The following DSCAM variants were observed in gnomAD, a reference collection of about 807,000 sequenced individuals.
The protein encoded by DSCAM is DS cell adhesion molecule.
A neutral mutation model predicts 217.7 loss-of-function variants in DSCAM; 47 were observed. The observed-to-expected ratio is 0.22, with a 90% confidence interval of 0.17 to 0.28. The LOEUF is 0.28. Ranked by LOEUF, DSCAM falls within the 10% of genes least tolerant of loss-of-function variation. DSCAM has a pLI of 1.00. For missense variants in DSCAM, 2,080 were observed against 2,618.3 expected (o/e 0.79, Z 4.49); for synonymous variants, 1,056 against 1,015.3 (o/e 1.04, Z -0.76).
intron 3 of DSCAM, among the ~76,000 whole-genome samples, chr21:40,613,997 C>T (rs2146283439): frequency 6.6e-6 from 1 of 152,324 alleles, no homozygotes; most frequent in Middle Eastern, 3.4e-3. Context: ...TCCTCCTAAT[C>T]CATCCTATCA....
At chr21:40,478,071 T>C (rs1009342466) in intron 3 of DSCAM, among the ~76,000 whole-genome samples, 1 of 152,254 alleles carries the variant, frequency 6.6e-6, no homozygotes, top group Non-Finnish European at 1.5e-5. Context: ...TCGTTTTGCC[T>C]GTTTTGGAAG....
intron 9 of DSCAM, among the ~76,000 whole-genome samples, chr21:40,302,092 T>A (rs1217793189): frequency 6.6e-6 from 1 of 152,240 alleles, no homozygotes. Flanking sequence ...TTTTTAAAGA[T>A]GATATTTAGA....
chr21:40,202,802 C>A (rs540294729), intron 11 of DSCAM, among the ~76,000 whole-genome samples: 16 of 152,196 alleles, frequency 1.1e-4, no homozygotes, highest in Non-Finnish European at 1.8e-4. Flanking sequence ...TTCATTCAAG[C>A]ATTAGTGGCA....
chr21:40,457,426 T>C (rs1424589074), intron 3 of DSCAM, among the ~76,000 whole-genome samples: 2 of 152,034 alleles, frequency 1.3e-5, no homozygotes, highest in Non-Finnish European at 2.9e-5. Flanking sequence ...GCGGGAGGAT[T>C]GCTTGAGCCC....
intron 1 of DSCAM, among the ~76,000 whole-genome samples, chr21:40,760,011 A>ATT (rs1224654898): frequency 1.6e-5 from 2 of 126,504 alleles, no homozygotes; most frequent in Non-Finnish European, 3.4e-5. Flanking sequence ...TTATTTATTT[A>ATT]TGAGACAGAG....
chr21:40,032,789 T>C (rs2088552448), intron 32 of DSCAM, among the ~76,000 whole-genome samples: 1 of 152,186 alleles, frequency 6.6e-6, no homozygotes, highest in South Asian at 2.1e-4. Context: ...TGCTTCTTAC[T>C]TTTGCATCAA....
intron 1 of DSCAM, among the ~76,000 whole-genome samples, chr21:40,797,293 A>G (rs1386485897): frequency 1.3e-5 from 2 of 152,172 alleles, no homozygotes; most frequent in East Asian, 3.8e-4. Context: ...TTAAGGGAGG[A>G]ATATAACACT....
At chr21:40,602,332 A>G (rs1163470176) in intron 3 of DSCAM, among the ~76,000 whole-genome samples, 2 of 152,186 alleles carry the variant, frequency 1.3e-5, no homozygotes, top group Admixed American at 1.3e-4. Context: ...AAGTGCTGAG[A>G]TCATAGTCAT....
chr21:40,542,910 A>T (rs1005683530), intron 3 of DSCAM, among the ~76,000 whole-genome samples: 4 of 152,048 alleles, frequency 2.6e-5, no homozygotes, highest in Admixed American at 6.6e-5. Flanking sequence ...CCCAGGAAAG[A>T]GCTCCAGGTA....
intron 3 of DSCAM, among the ~76,000 whole-genome samples, chr21:40,417,731 G>A (rs187225092): frequency 8.5e-5 from 13 of 152,144 alleles, no homozygotes; most frequent in African/African-American, 3.1e-4. Context: ...TAATCGTTGT[G>A]CTTAGTTAAT....
chr21:40,202,517 G>C (rs188046425), intron 11 of DSCAM, among the ~76,000 whole-genome samples: 1 of 152,084 alleles, frequency 6.6e-6, no homozygotes, highest in Admixed American at 6.5e-5. Context: ...CAAGTCCTTC[G>C]GCCTCTCTGT....
chr21:40,276,698 T>G (rs2073692128), intron 10 of DSCAM, among the ~76,000 whole-genome samples: 1 of 152,202 alleles, frequency 6.6e-6, no homozygotes, highest in Non-Finnish European at 1.5e-5. Flanking sequence ...TTTGAAGTCT[T>G]TGCTCACTGC....
rs192637270 is a variant in DSCAM, at chr21:40,787,277, A to C, written c.43+59342T>G. Among the ~76,000 whole-genome samples, 455 of 152,310 alleles carry C rather than the reference A, an allele frequency of 3.0e-3. 1 individual carries two copies. The highest frequency in any genetic ancestry group is 4.6e-3 in the Non-Finnish European group (314 of 68,036). On this transcript the variant is annotated intron_variant, in intron 1 of 32. Transcript: ENST00000400454. ...TTTAAGGTTTTTTCCCAGACCTGAG[A>C]TATCAATTACATCTTGCCGAATGAT... is the stretch of plus-strand genomic sequence containing the variant.
chr21:40,576,836 A>G (rs563530940), intron 3 of DSCAM, among the ~76,000 whole-genome samples: 70 of 152,170 alleles, frequency 4.6e-4, no homozygotes, highest in Middle Eastern at 6.9e-3. Context: ...ATAATCATAA[A>G]AAGGGCTAAG....
intron 12 of DSCAM, among the ~76,000 whole-genome samples, chr21:40,188,702 T>C (rs1490493331): frequency 6.6e-6 from 1 of 152,230 alleles, no homozygotes; most frequent in Non-Finnish European, 1.5e-5. Flanking sequence ...CTCATTTTTC[T>C]TTTTGCAGGA....
chr21:40,354,443 C>A (rs906666920), intron 4 of DSCAM, among the ~76,000 whole-genome samples: 2 of 152,244 alleles, frequency 1.3e-5, no homozygotes, highest in South Asian at 4.1e-4. Context: ...TGATTGCTCA[C>A]CACAGTCTCA....
chr21:40,696,082 CA>C (rs10718357), intron 2 of DSCAM, among the ~76,000 whole-genome samples: 17,768 of 143,022 alleles, frequency 0.12, 1,699 homozygotes, highest in African/African-American at 0.28. Context: ...GAGATGCAGG[CA>C]AAAAAAAAAA....
intron 8 of DSCAM, among the ~76,000 whole-genome samples, chr21:40,330,242 T>C (rs1310009717): frequency 6.7e-6 from 1 of 148,394 alleles, no homozygotes; most frequent in Non-Finnish European, 1.5e-5. Context: ...ATACATAACA[T>C]ATATTTATGC....
chr21:40,082,797 G>A (rs2089481837), intron 24 of DSCAM, among the ~76,000 whole-genome samples: 1 of 152,054 alleles, frequency 6.6e-6, no homozygotes, highest in Non-Finnish European at 1.5e-5. Context: ...CTGATTTGTA[G>A]CATTTCTGAT....
Sources: allele counts gnomAD v4.1 joint callset (sites outside exome capture counted in the v4.1 genomes callset), GRCh38; gene constraint gnomAD v4.1.1; transcripts MANE v1.5; gene names NCBI Gene and HGNC (gene_info 2026-07-23, HGNC 2026-07-21).